CBLB: variants seen among roughly 807,000 people sequenced by gnomAD.
The protein encoded by CBLB is E3 ubiquitin-protein ligase CBL-B.
Under a neutral mutation model 104.9 loss-of-function variants are expected in CBLB, and 31 were observed. The ratio of observed to expected loss-of-function variants is 0.30; its 90% CI spans 0.22 to 0.40. The LOEUF (loss-of-function observed/expected upper bound fraction) is 0.40. Ranked by LOEUF, CBLB falls within the 10% of genes least tolerant of loss-of-function variation. CBLB has a pLI of 1.00. For synonymous variants in CBLB, 440 were observed against 422.6 expected (o/e 1.04, Z -0.51); for missense variants, 1,062 against 1,214.6 (o/e 0.87, Z 1.87).
intron 3 of CBLB, among the ~76,000 whole-genome samples, chr3:105,812,343 C>A (rs1302472753): frequency 6.6e-6 from 1 of 152,144 alleles, no homozygotes; most frequent in Non-Finnish European, 1.5e-5. Flanking sequence ...TGAATAAAAA[C>A]AGACCAGTCA....
intron 13 of CBLB, among the ~76,000 whole-genome samples, chr3:105,686,012 C>G (rs1406281921): frequency 6.6e-6 from 1 of 151,952 alleles, no homozygotes; most frequent in Admixed American, 6.6e-5. Context: ...TTCTTCCTAC[C>G]AACAACTGAG....
intron 3 of CBLB, among the ~76,000 whole-genome samples, chr3:105,812,613 A>G (rs1383242827): frequency 6.6e-6 from 1 of 152,312 alleles, no homozygotes; most frequent in East Asian, 1.9e-4. Flanking sequence ...GCAATTGCAA[A>G]GGGACTGGAA....
intron 8 of CBLB, among the ~76,000 whole-genome samples, chr3:105,736,717 T>C (rs1298349337): frequency 6.6e-6 from 1 of 152,134 alleles, no homozygotes; most frequent in Non-Finnish European, 1.5e-5. Flanking sequence ...AATCACTGAA[T>C]ATCACTCTCA....
chr3:105,753,887 T>G (rs1318042226), intron 4 of CBLB, among the ~76,000 whole-genome samples: 1 of 152,146 alleles, frequency 6.6e-6, no homozygotes, highest in East Asian at 1.9e-4. Flanking sequence ...AATGTACCCC[T>G]TCATAATAAC....
intron 3 of CBLB, among the ~76,000 whole-genome samples, chr3:105,852,314 G>C (rs2091040310): frequency 6.6e-6 from 1 of 152,182 alleles, no homozygotes; most frequent in Admixed American, 6.5e-5. Flanking sequence ...GGAGGTGGAA[G>C]ACAATAATAT....
intron 6 of CBLB, among the ~76,000 whole-genome samples, chr3:105,741,723 G>A (rs1015155987): frequency 4.6e-5 from 7 of 151,320 alleles, no homozygotes; most frequent in African/African-American, 1.5e-4. Flanking sequence ...TAGAGACCAC[G>A]TTAGCCAGGA....
intron 6 of CBLB, among the ~76,000 whole-genome samples, chr3:105,745,244 G>C (rs1194265170): frequency 6.6e-6 from 1 of 152,180 alleles, no homozygotes; most frequent in Non-Finnish European, 1.5e-5. Context: ...AAAATGCACT[G>C]AACCATGGAA....
intron 17 of CBLB, chr3:105,673,391 T>C (rs1054644644): frequency 1.3e-5 from 2 of 152,158 alleles, no homozygotes; most frequent in African/African-American, 2.4e-5. Flanking sequence ...TAATTCTTTT[T>C]TTTCTTCACT....
At position 105,752,382 on chromosome 3, in the gene CBLB, A is replaced by G. The variant is rs995139766; in HGVS notation, c.567-764T>C. Among the ~76,000 whole-genome samples, 4 of 152,202 alleles carry G rather than the reference A, an allele frequency of 2.6e-5. No individual in the cohort carries two copies. In the East Asian group the frequency reaches 7.7e-4, roughly 29 times the overall value. On this transcript the variant is annotated intron_variant, in intron 4 of 18. Transcript: ENST00000394030. ...CACCTGACCAGTTTCCAACTCACCT[A>G]CCCTCTTTCCCACCATGAAAATTAG...
intron 9 of CBLB, among the ~76,000 whole-genome samples, chr3:105,722,462 T>C (rs975734450): frequency 1.3e-5 from 2 of 152,176 alleles, no homozygotes; most frequent in African/African-American, 2.4e-5. Context: ...TGTTCTCTTG[T>C]TCCTTTCACT....
intron 12 of CBLB, among the ~76,000 whole-genome samples, chr3:105,698,423 C>T (rs1167960723): frequency 2.0e-5 from 3 of 151,736 alleles, no homozygotes; most frequent in African/African-American, 7.3e-5. Context: ...GAGTCCTCGC[C>T]CATTGACAGG....
chr3:105,788,029 G>C (rs2081221517), intron 3 of CBLB, among the ~76,000 whole-genome samples: 1 of 152,146 alleles, frequency 6.6e-6, no homozygotes, highest in African/African-American at 2.4e-5. Flanking sequence ...GGTTTAAGAA[G>C]CTGACTTATT....
chr3:105,669,450 G>A (rs2064835906), intron 18 of CBLB, among the ~76,000 whole-genome samples: 1 of 152,134 alleles, frequency 6.6e-6, no homozygotes, highest in South Asian at 2.1e-4. Context: ...TTCCAGAACT[G>A]TGAGATATAA....
intron 3 of CBLB, among the ~76,000 whole-genome samples, chr3:105,777,399 G>A (rs1317364269): frequency 6.6e-6 from 1 of 152,190 alleles, no homozygotes; most frequent in Non-Finnish European, 1.5e-5. Flanking sequence ...CACATTGGGA[G>A]GCTGAGGTGG....
chr3:105,697,047 A>G (rs2068479162), intron 12 of CBLB, among the ~76,000 whole-genome samples: 1 of 151,494 alleles, frequency 6.6e-6, no homozygotes, highest in East Asian at 1.9e-4. Flanking sequence ...GATCCCACAC[A>G]TTTTCTGGAT....
Position 105,657,001 on chromosome 3 carries a change from A to G in CBLB, c.*1969T>C, listed in dbSNP as rs2063394212. 2 of 223,984 alleles carry G rather than the reference A, an allele frequency of 8.9e-6. No individual in the cohort carries two copies. The highest frequency in any genetic ancestry group is 2.2e-5 in the African/African-American group (1 of 44,842). 13.9% of individuals were successfully genotyped at this position (223,984 alleles called of 1,614,324 possible). A position where few individuals can be genotyped will look rare whatever the true frequency, so the allele number is the denominator to read the frequency against. ...AGAAACTTCACTCATGTACCTACTC[A>G]TGGGAAGAACATCTAAGGCAAATGA... On this transcript the variant is annotated 3_prime_UTR_variant, in exon 19 of 19. Transcript: ENST00000394030.
intron 2 of CBLB, among the ~76,000 whole-genome samples, chr3:105,865,971 T>C (rs1159970622): frequency 1.3e-5 from 2 of 152,222 alleles, no homozygotes; most frequent in Non-Finnish European, 2.9e-5. Flanking sequence ...ATATATGCTA[T>C]TTTTCCAATT....
chr3:105,781,819 T>C (rs1055200922), intron 3 of CBLB, among the ~76,000 whole-genome samples: 1 of 152,222 alleles, frequency 6.6e-6, no homozygotes, highest in Non-Finnish European at 1.5e-5. Flanking sequence ...GTGATACTTT[T>C]ACCCAAAAAC....
intron 9 of CBLB, among the ~76,000 whole-genome samples, chr3:105,727,218 T>C (rs970423552): frequency 2.0e-5 from 3 of 152,194 alleles, no homozygotes; most frequent in Non-Finnish European, 4.4e-5. Context: ...GCATCTGTTG[T>C]TTCCTGACTT....
Sources: allele counts gnomAD v4.1 joint callset (sites outside exome capture counted in the v4.1 genomes callset), GRCh38; gene constraint gnomAD v4.1.1; transcripts MANE v1.5; gene names NCBI Gene and HGNC (gene_info 2026-07-23, HGNC 2026-07-21).